The following HPSE2 variants were observed in gnomAD, a reference collection of about 807,000 sequenced individuals.
The protein encoded by HPSE2 is inactive heparanase-2.
In HPSE2, 38 loss-of-function variants were observed where a neutral mutation model predicts 60.5. The ratio of observed to expected loss-of-function variants is 0.63; its 90% confidence interval spans 0.48 to 0.82. The LOEUF (loss-of-function observed/expected upper bound fraction) is 0.82. Ranked by LOEUF, HPSE2 falls within the 40% of genes least tolerant of loss-of-function variation. HPSE2 has a pLI of 0.00. For synonymous variants in HPSE2, 295 were observed against 293.2 expected, an observed-to-expected ratio of 1.01 and a Z score of -0.06; for missense variants, 713 against 740.4, an observed-to-expected ratio of 0.96 and a Z score of 0.43.
In HPSE2 at chr10:98,888,135, A is replaced by AACACACACACACACAC. The variant is rs3043548; in HGVS notation, c.611-144095_611-144080dup. 1.1e-3 allele frequency among the ~76,000 whole-genome samples: 151 copies of AACACACACACACACAC among 140,806 alleles called. 1 individual carries two copies. Among genetic ancestry groups the AACACACACACACACAC allele is most frequent in the East Asian group, 8.4e-3 (39 of 4,654 alleles). The allele number at this position is 140,806 out of a possible 152,430, so 92.4% of individuals were successfully genotyped here. ...TGCAAAAGGGATAGGTTTTAAAACA[A>AACACACACACACACAC]ACACACACACACACACACACACACA... On this transcript the variant is annotated intron_variant, in intron 3 of 11. Transcript: ENST00000370552.
chr10:98,952,302 A>C (rs963673706), intron 3 of HPSE2, among the ~76,000 whole-genome samples: 6 of 145,502 alleles, frequency 4.1e-5, no homozygotes, highest in Admixed American at 2.8e-4. Flanking sequence ...TTCCCCGCTC[A>C]AAAGAATTTG....
chr10:98,461,433 G>A (rs1940284601), intron 11 of HPSE2, among the ~76,000 whole-genome samples: 1 of 152,194 alleles, frequency 6.6e-6, no homozygotes, highest in South Asian at 2.1e-4. Flanking sequence ...GGTCAGTGTT[G>A]ACCGCATCAG....
chr10:98,901,784 CT>C (rs1264561451), intron 3 of HPSE2, among the ~76,000 whole-genome samples: 1 of 152,160 alleles, frequency 6.6e-6, no homozygotes, highest in Non-Finnish European at 1.5e-5. Flanking sequence ...AAGCAAGCTA[CT>C]TAACCTTTGT....
the HPSE2 span, among the ~76,000 whole-genome samples, chr10:99,280,733 C>A: frequency 2.0e-5 from 3 of 152,212 alleles, no homozygotes; most frequent in African/African-American, 7.2e-5. Context: ...TCTCACATTG[C>A]AAGCTAGGCC....
At chr10:99,111,825 G>A (rs1844474447) in intron 3 of HPSE2, among the ~76,000 whole-genome samples, 1 of 152,148 alleles carries the variant, frequency 6.6e-6, no homozygotes, top group South Asian at 2.1e-4. Context: ...TTTATGAAAA[G>A]CCCTTTAATT....
chr10:99,113,464 T>C (rs1273716781), intron 3 of HPSE2, among the ~76,000 whole-genome samples: 1 of 152,172 alleles, frequency 6.6e-6, no homozygotes, highest in African/African-American at 2.4e-5. Context: ...CATTCATATA[T>C]ACATACGTAT....
At chr10:98,477,975 G>A (rs1277130254) in intron 11 of HPSE2, among the ~76,000 whole-genome samples, 1 of 152,188 alleles carries the variant, frequency 6.6e-6, no homozygotes, top group African/African-American at 2.4e-5. Context: ...AGGTGGAACA[G>A]TTTCATTCCC....
intron 3 of HPSE2, among the ~76,000 whole-genome samples, chr10:98,810,805 T>C (rs1321155443): frequency 1.3e-5 from 2 of 152,154 alleles, no homozygotes; most frequent in African/African-American, 4.8e-5. Context: ...AAAATATCTC[T>C]TGTTTAAGAA....
upstream of HPSE2, among the ~76,000 whole-genome samples, chr10:99,240,148 C>CA (rs1371047648): frequency 6.6e-6 from 1 of 151,934 alleles, no homozygotes; most frequent in Non-Finnish European, 1.5e-5. Context: ...GAGATCATGC[C>CA]ATTGCACTCC....
rs948909986 is a variant in HPSE2 at position 98,937,199 on chromosome 10, A to G, written c.611-193143T>C. Among the ~76,000 whole-genome samples the G allele has an allele frequency of 8.4e-5, 12 of 143,708 alleles. 1 individual carries two copies. Among genetic ancestry groups the G allele is most frequent in the Non-Finnish European group, 1.6e-4 (11 of 67,136 alleles). 94.3% of individuals were successfully genotyped at this position (143,708 alleles called of 152,430 possible). A position where few individuals can be genotyped will look rare whatever the true frequency, so the allele number is the denominator to read the frequency against. On this transcript the variant is annotated intron_variant, in intron 3 of 11. Coordinates refer to ENST00000370552, the MANE Select transcript of HPSE2 (RefSeq NM_021828.5). ...TTTCTGCATTTCCATCTGAGGTACC[A>G]GGTTCATCTCACTAGGGAGTGCCAG...
intron 2 of HPSE2, among the ~76,000 whole-genome samples, chr10:99,218,177 G>A (rs1466261066): frequency 6.6e-6 from 1 of 151,606 alleles, no homozygotes; most frequent in Non-Finnish European, 1.5e-5. Flanking sequence ...CATCCTACAG[G>A]TAAGTAACTG....
At chr10:98,486,307 T>G (rs1437068145) in intron 10 of HPSE2, among the ~76,000 whole-genome samples, 2 of 152,226 alleles carry the variant, frequency 1.3e-5, no homozygotes, top group African/African-American at 4.8e-5. Context: ...AGGCTTGGCC[T>G]GCAAGCATTT....
chr10:99,160,724 C>G (rs1016401264), intron 2 of HPSE2, among the ~76,000 whole-genome samples: 1 of 151,170 alleles, frequency 6.6e-6, no homozygotes, highest in Non-Finnish European at 1.5e-5. Context: ...ACGGTGAAAC[C>G]CCGTCTCTAC....
chr10:99,248,515 A>G, the HPSE2 span, among the ~76,000 whole-genome samples: 1 of 152,240 alleles, frequency 6.6e-6, no homozygotes, highest in Non-Finnish European at 1.5e-5. Flanking sequence ...CAAAAAAATG[A>G]TGTAAAACTG....
intron 9 of HPSE2, among the ~76,000 whole-genome samples, chr10:98,506,692 T>A (rs1455436503): frequency 6.6e-6 from 1 of 152,140 alleles, no homozygotes; most frequent in Non-Finnish European, 1.5e-5. Context: ...TCCTGATCAC[T>A]CCTCAAGTGA....
intron 3 of HPSE2, among the ~76,000 whole-genome samples, chr10:98,924,909 C>T (rs1161636196): frequency 6.6e-6 from 1 of 152,182 alleles, no homozygotes; most frequent in Non-Finnish European, 1.5e-5. Context: ...GGATGGGTGA[C>T]CCCCCTCTGG....
At chr10:99,300,991 AG>A in the HPSE2 span, among the ~76,000 whole-genome samples, 1 of 152,212 alleles carries the variant, frequency 6.6e-6, no homozygotes, top group East Asian at 1.9e-4. Flanking sequence ...AGATTTGTTC[AG>A]GATCTAAGGG....
chr10:98,586,631 C>G (rs1944947687), intron 9 of HPSE2, among the ~76,000 whole-genome samples: 1 of 152,152 alleles, frequency 6.6e-6, no homozygotes, highest in African/African-American at 2.4e-5. Context: ...TGCTCTGATT[C>G]TGAGACTCTT....
intron 9 of HPSE2, among the ~76,000 whole-genome samples, chr10:98,591,738 C>G (rs188759183): frequency 3.4e-4 from 52 of 152,264 alleles, no homozygotes; most frequent in African/African-American, 1.2e-3. Context: ...TTTTCTTTAA[C>G]CCTTTTTTCT....
Sources: allele counts gnomAD v4.1 joint callset (sites outside exome capture counted in the v4.1 genomes callset), GRCh38; gene constraint gnomAD v4.1.1; transcripts MANE v1.5; gene names NCBI Gene and HGNC (gene_info 2026-07-23, HGNC 2026-07-21).